Variants in ST3GAL3 observed in about 807,000 individuals in gnomAD.
ST3GAL3 encodes the protein ST3 beta-galactoside alpha-2,3-sialyltransferase 3, also known as CMP-N-acetylneuraminate-beta-1,4-galactoside alpha-2,3-sialyltransferase.
In ST3GAL3, 21 loss-of-function variants were observed where a neutral mutation model predicts 50.1. The observed-to-expected ratio is 0.42, with a 90% confidence interval of 0.30 to 0.60. ST3GAL3 has a LOEUF of 0.60. Among genes scored for constraint, ST3GAL3 ranks in the 20% least tolerant of loss-of-function variants. The pLI, the probability that ST3GAL3 is intolerant of heterozygous loss-of-function variation, is 0.19. For missense variants in ST3GAL3, 353 were observed against 489.4 expected (o/e 0.72, Z 2.63); for synonymous variants, 183 against 190.0 (o/e 0.96, Z 0.30).
At chr1:43,785,048 G>A (rs1313033465) in intron 2 of ST3GAL3, among the ~76,000 whole-genome samples, 1 of 152,088 alleles carries the variant, frequency 6.6e-6, no homozygotes, top group African/African-American at 2.4e-5. Flanking sequence ...TTGTCCGCAG[G>A]AATCTCATTT....
At chr1:43,877,472 G>A (rs2154252916) in intron 5 of ST3GAL3, among the ~76,000 whole-genome samples, 1 of 152,236 alleles carries the variant, frequency 6.6e-6, no homozygotes, top group South Asian at 2.1e-4. Context: ...CTTAGTCTGT[G>A]ACTTGGATGC....
intron 4 of ST3GAL3, among the ~76,000 whole-genome samples, chr1:43,833,766 C>G (rs1204688604): frequency 1.3e-5 from 2 of 152,242 alleles, no homozygotes; most frequent in African/African-American, 4.8e-5. Context: ...AGATGAAGGT[C>G]TGCCCTAGGT....
intron 9 of ST3GAL3, chr1:43,913,110 CG>C: frequency 6.6e-6 from 1 of 152,400 alleles, no homozygotes; most frequent in Non-Finnish European, 1.5e-5. Context: ...ACCTCCCCAC[CG>C]GGAGCCAGGG....
chr1:43,828,171 A>G (rs1285319304), intron 4 of ST3GAL3, among the ~76,000 whole-genome samples: 1 of 152,274 alleles, frequency 6.6e-6, no homozygotes, highest in Non-Finnish European at 1.5e-5. Context: ...AATTTTTTCA[A>G]TAAATGATAC....
intron 5 of ST3GAL3, among the ~76,000 whole-genome samples, chr1:43,867,583 G>T (rs1295059769): frequency 6.8e-6 from 1 of 147,842 alleles, no homozygotes; most frequent in Non-Finnish European, 1.5e-5. Flanking sequence ...GTTGTGTGGG[G>T]AAGGTGTGTT....
At chr1:43,768,146 T>C (rs1448585108) in intron 2 of ST3GAL3, among the ~76,000 whole-genome samples, 2 of 152,138 alleles carry the variant, frequency 1.3e-5, no homozygotes, top group Admixed American at 6.5e-5. Context: ...TTAATAAAAT[T>C]GACAAATGCT....
At chr1:43,811,931 A>T (rs535547096) in intron 3 of ST3GAL3, among the ~76,000 whole-genome samples, 1 of 152,272 alleles carries the variant, frequency 6.6e-6, no homozygotes, top group East Asian at 1.9e-4. Context: ...GAATTACGTG[A>T]TAAGTATTAA....
chr1:43,905,220 T>C (rs1406110366), intron 9 of ST3GAL3, among the ~76,000 whole-genome samples: 33 of 84,974 alleles, frequency 3.9e-4, no homozygotes, highest in African/African-American at 5.2e-4. Flanking sequence ...CTCCTGTTCC[T>C]CTTCCCGCCA....
intron 2 of ST3GAL3, among the ~76,000 whole-genome samples, chr1:43,757,597 CA>C (rs1558164707): frequency 6.6e-6 from 1 of 152,104 alleles, no homozygotes; most frequent in Non-Finnish European, 1.5e-5. Flanking sequence ...CAAAAACAAA[CA>C]AAAGAACACT....
chr1:43,800,099 A>G (rs1056953244), intron 3 of ST3GAL3, among the ~76,000 whole-genome samples: 3 of 152,038 alleles, frequency 2.0e-5, no homozygotes, highest in African/African-American at 7.2e-5. Context: ...GTTGGAGAAG[A>G]GCTGTGCTGT....
At chr1:43,828,031 A>T (rs1000397245) in intron 4 of ST3GAL3, among the ~76,000 whole-genome samples, 8 of 152,386 alleles carry the variant, frequency 5.2e-5, no homozygotes, top group Admixed American at 4.6e-4. Context: ...CAATCAAGAT[A>T]GCGTAGTATT....
intron 2 of ST3GAL3, among the ~76,000 whole-genome samples, chr1:43,789,651 A>G (rs897045035): frequency 4.6e-5 from 7 of 152,132 alleles, no homozygotes; most frequent in African/African-American, 1.4e-4. Flanking sequence ...CAGGAGGATC[A>G]CTTGAGGCCA....
intron 7 of ST3GAL3, 86 bp downstream of exon 7, chr1:43,898,384 T>C: frequency 7.1e-7 from 1 of 1,416,674 alleles, no homozygotes; most frequent in Non-Finnish European, 9.9e-7. Context: ...TCCCTGGACA[T>C]GGGCAGTTTC....
chr1:43,843,945 C>G (rs1302618949), intron 5 of ST3GAL3, among the ~76,000 whole-genome samples: 6 of 152,236 alleles, frequency 3.9e-5, no homozygotes, highest in African/African-American at 1.2e-4. Context: ...AGGTTGTTAC[C>G]TATACATCTC....
chr1:43,877,272 A>G (rs553168902), intron 5 of ST3GAL3, among the ~76,000 whole-genome samples: 1 of 152,326 alleles, frequency 6.6e-6, no homozygotes, highest in South Asian at 2.1e-4. Context: ...TTCCAGGAGC[A>G]GTCTGCATTC....
At chr1:43,778,644 C>CTTTTTTTT (rs35726867) in intron 2 of ST3GAL3, among the ~76,000 whole-genome samples, 306 of 118,612 alleles carry the variant, frequency 2.6e-3, no homozygotes, top group African/African-American at 4.4e-3. Flanking sequence ...TTCTTTTTTT[C>CTTTTTTTT]TTTTTTTTTT....
At chr1:43,908,426 G>A (rs776161831) in intron 9 of ST3GAL3, among the ~76,000 whole-genome samples, 1 of 152,176 alleles carries the variant, frequency 6.6e-6, no homozygotes, top group Non-Finnish European at 1.5e-5. Flanking sequence ...CTTATCAGAT[G>A]TACATTTTTC....
At chr1:43,758,101 G>A (rs965665564) in intron 2 of ST3GAL3, among the ~76,000 whole-genome samples, 2 of 149,108 alleles carry the variant, frequency 1.3e-5, no homozygotes, top group African/African-American at 5.0e-5. Context: ...TATTAAATGC[G>A]AATTAAAACC....
At position 43,920,538 on chromosome 1, in the gene ST3GAL3, C is replaced by T. The variant is rs1249275092; in HGVS notation, c.879C>T (p.Leu293=). The change falls in exon 10 of 12, where the codon CTC becomes CTT. Residue 293 remains leucine (L), a synonymous_variant. Transcript: ENST00000347631. ...TTGGCCTGCCCTTCAACAATGGCCT[C>T]ATGGGCCGGGGGGTGAGATATCTGG... ...TLIGLPFNNG[L]MGRGNIPTLG... 1.2e-6 allele frequency: 2 copies of T among 1,614,100 alleles called. No homozygotes were observed. Among genetic ancestry groups the T allele is most frequent in the Non-Finnish European group, 1.7e-6 (2 of 1,180,010 alleles).
Sources: gnomAD v4.1 joint callset for allele counts (sites outside exome capture counted in the v4.1 genomes callset) on GRCh38, gnomAD v4.1.1 for gene constraint, MANE v1.5 for transcripts, NCBI Gene and HGNC (gene_info 2026-07-23, HGNC 2026-07-21) for gene names.